LRRTM4: variants seen among roughly 807,000 people sequenced by gnomAD.
The protein encoded by LRRTM4 is leucine rich repeat transmembrane neuronal 4, also known as leucine-rich repeat transmembrane neuronal protein 4.
Under a neutral mutation model 47.6 loss-of-function variants are expected in LRRTM4, and 25 were observed. The observed-to-expected ratio is 0.53, with a 90% CI of 0.38 to 0.73. LRRTM4 has a LOEUF of 0.73. LRRTM4 is among the 30% of genes least tolerant of loss of function. LRRTM4 has a pLI of 0.00. For synonymous variants in LRRTM4, 311 were observed against 269.5 expected, an observed-to-expected ratio of 1.15 and a Z score of -1.51; for missense variants, 638 against 713.4, an observed-to-expected ratio of 0.89 and a Z score of 1.20.
At chr2:77,244,026 T>G (rs1000921225) in intron 3 of LRRTM4, among the ~76,000 whole-genome samples, 1 of 127,984 alleles carries the variant, frequency 7.8e-6, no homozygotes, top group African/African-American at 3.1e-5. Flanking sequence ...CGGTGTTTGG[T>G]TTTTTGTTCT....
intron 3 of LRRTM4, among the ~76,000 whole-genome samples, chr2:76,991,950 C>T (rs1677024616): frequency 6.6e-6 from 1 of 151,778 alleles, no homozygotes; most frequent in South Asian, 2.1e-4. Context: ...ATAAACTAGG[C>T]TTTATTCTTG....
chr2:76,827,638 A>G (rs570720567), intron 3 of LRRTM4, among the ~76,000 whole-genome samples: 2 of 151,904 alleles, frequency 1.3e-5, no homozygotes, highest in Non-Finnish European at 2.9e-5. Flanking sequence ...TTCATGTAGT[A>G]AAGATGTATA....
At chr2:76,952,289 G>A (rs76636325) in intron 3 of LRRTM4, among the ~76,000 whole-genome samples, 5,716 of 151,982 alleles carry the variant, frequency 0.038, 243 homozygotes, top group East Asian at 0.14. Flanking sequence ...AATATTTGCA[G>A]ACTATGCCTC....
At position 77,081,257 on chromosome 2, in the gene LRRTM4, C is replaced by G. The variant is rs894758895; in HGVS notation, c.1552-332341G>C. Among the ~76,000 whole-genome samples, 52 of 123,076 alleles carry G rather than the reference C, an allele frequency of 4.2e-4. 1 individual carries two copies. The East Asian group carries it at 9.7e-3, about 23-fold the overall frequency. 80.7% of individuals were successfully genotyped at this position (123,076 alleles called of 152,430 possible). A position where few individuals can be genotyped will look rare whatever the true frequency, so the allele number is the denominator to read the frequency against. Reference sequence around the variant, plus strand: ...AAAATACCTGACAGCAACACACACACACACACACACACACACACACACACA... The same window carrying G: ...AAAATACCTGACAGCAACACACACAGACACACACACACACACACACACACA... On this transcript the variant is annotated intron_variant, in intron 3 of 3. Transcript: ENST00000409884.
At chr2:77,452,282 A>G (rs1422846715) in intron 3 of LRRTM4, among the ~76,000 whole-genome samples, 1 of 152,238 alleles carries the variant, frequency 6.6e-6, no homozygotes, top group East Asian at 1.9e-4. Context: ...ACAGCCAGAT[A>G]GGTTTGAAGA....
intron 3 of LRRTM4, among the ~76,000 whole-genome samples, chr2:76,913,008 C>T (rs977623857): frequency 4.5e-4 from 69 of 152,130 alleles, no homozygotes; most frequent in African/African-American, 1.5e-3. Context: ...AGGGTGAGAA[C>T]GGACTGATAT....
intron 3 of LRRTM4, among the ~76,000 whole-genome samples, chr2:77,315,560 T>G (rs1174040441): frequency 6.6e-6 from 1 of 152,182 alleles, no homozygotes; most frequent in Non-Finnish European, 1.5e-5. Context: ...ATTAATTTAT[T>G]TGAATAACAA....
chr2:77,090,927 C>T (rs1295097220), intron 3 of LRRTM4, among the ~76,000 whole-genome samples: 1 of 152,020 alleles, frequency 6.6e-6, no homozygotes, highest in Admixed American at 6.6e-5. Flanking sequence ...AAGGTAAGCC[C>T]ATCCCCTTCT....
intron 3 of LRRTM4, among the ~76,000 whole-genome samples, chr2:76,860,344 T>A (rs1252021): frequency 0.34 from 51,920 of 152,014 alleles, 10,992 homozygotes; most frequent in Non-Finnish European, 0.48. Flanking sequence ...TATTCGATGA[T>A]GTCTAAGAGT....
intron 3 of LRRTM4, among the ~76,000 whole-genome samples, chr2:77,323,915 GC>G (rs1240889351): frequency 6.6e-6 from 1 of 152,006 alleles, no homozygotes; most frequent in African/African-American, 2.4e-5. Context: ...AATTAAGGGA[GC>G]TAACATGTAT....
chr2:77,338,740 C>A (rs1406457785), intron 3 of LRRTM4, among the ~76,000 whole-genome samples: 1 of 152,022 alleles, frequency 6.6e-6, no homozygotes, highest in Non-Finnish European at 1.5e-5. Context: ...TCAGCAATCC[C>A]ATTGCTAAGT....
intron 3 of LRRTM4, among the ~76,000 whole-genome samples, chr2:77,228,826 C>T (rs1467720746): frequency 1.3e-5 from 2 of 152,128 alleles, no homozygotes; most frequent in Admixed American, 1.3e-4. Context: ...TAATATTCAC[C>T]CCTACTAGAC....
intron 3 of LRRTM4, among the ~76,000 whole-genome samples, chr2:77,173,359 C>T (rs1673107705): frequency 6.6e-6 from 1 of 152,114 alleles, no homozygotes; most frequent in Non-Finnish European, 1.5e-5. Flanking sequence ...TTGATCTCCT[C>T]ATAGAATTAT....
chr2:76,837,964 A>T (rs1014133771), intron 3 of LRRTM4, among the ~76,000 whole-genome samples: 2 of 151,854 alleles, frequency 1.3e-5, no homozygotes, highest in South Asian at 2.1e-4. Context: ...GAGGGATAGC[A>T]TTAGGAGATA....
At chr2:77,504,459 T>TAATA (rs1054280380) in intron 3 of LRRTM4, among the ~76,000 whole-genome samples, 1 of 151,590 alleles carries the variant, frequency 6.6e-6, no homozygotes, top group African/African-American at 2.4e-5. Flanking sequence ...CAGAGAGTAT[T>TAATA]GGTGGAGGAA....
chr2:77,184,507 A>G (rs1017543385), intron 3 of LRRTM4, among the ~76,000 whole-genome samples: 1 of 152,282 alleles, frequency 6.6e-6, no homozygotes, highest in East Asian at 1.9e-4. Flanking sequence ...ATTCAAAAGA[A>G]GTGGAATTAT....
intron 3 of LRRTM4, among the ~76,000 whole-genome samples, chr2:76,995,628 G>A (rs1423078823): frequency 6.6e-6 from 1 of 152,014 alleles, no homozygotes; most frequent in East Asian, 1.9e-4. Context: ...AAAAGTCACA[G>A]TCATTGCCTA....
At chr2:77,256,838 GAAGA>G (rs1207559318) in intron 3 of LRRTM4, among the ~76,000 whole-genome samples, 2 of 137,336 alleles carry the variant, frequency 1.5e-5, no homozygotes, top group Admixed American at 1.4e-4. Context: ...GGGAAGGAAG[GAAGA>G]AAGAGAGGAA....
chr2:76,779,759 A>T (rs149730066), intron 3 of LRRTM4, among the ~76,000 whole-genome samples: 4,315 of 152,258 alleles, frequency 0.028, 198 homozygotes, highest in African/African-American at 0.093. Context: ...TAGTCCAGTT[A>T]CATTTAAAGA....
Sources: gnomAD v4.1 joint callset for allele counts (sites outside exome capture counted in the v4.1 genomes callset) on GRCh38, gnomAD v4.1.1 for gene constraint, MANE v1.5 for transcripts, NCBI Gene and HGNC (gene_info 2026-07-23, HGNC 2026-07-21) for gene names.